The following DIP2C variants were observed in gnomAD, a reference collection of about 807,000 sequenced individuals.
The protein encoded by DIP2C is DIP2 acetate--CoA ligase C (putative), also known as disco-interacting protein 2 homolog C.
In DIP2C, 33 loss-of-function variants were observed where a neutral mutation model predicts 192.4. The observed-to-expected ratio is 0.17, with a 90% CI of 0.13 to 0.23. The LOEUF (loss-of-function observed/expected upper bound fraction) is 0.23, where lower values mean the gene tolerates loss of function less well. Ranked by LOEUF, DIP2C falls within the 10% of genes least tolerant of loss-of-function variation. DIP2C has a pLI of 1.00. For missense variants in DIP2C, 1,537 were observed against 2,110.1 expected (o/e 0.73, Z 5.32); for synonymous variants, 979 against 864.1 (o/e 1.13, Z -2.33).
chr10:461,951 A>G (rs1278557994), intron 3 of DIP2C, among the ~76,000 whole-genome samples: 2 of 152,216 alleles, frequency 1.3e-5, no homozygotes, highest in African/African-American at 4.8e-5. Context: ...AATGAAATTA[A>G]GGCAGAAATA....
At chr10:333,971 T>C (rs1215812103) in intron 29 of DIP2C, among the ~76,000 whole-genome samples, 10 of 152,220 alleles carry the variant, frequency 6.6e-5, no homozygotes, top group African/African-American at 2.4e-4. Flanking sequence ...TATTCAGATC[T>C]CTTGCCCGTG....
intron 1 of DIP2C, chr10:649,999 C>A: frequency 1.6e-6 from 1 of 644,160 alleles, no homozygotes; most frequent in Non-Finnish European, 2.8e-6. Flanking sequence ...GTCCAAAGTT[C>A]ACATCAACAA....
At chr10:522,666 T>C (rs1279403079) in intron 1 of DIP2C, among the ~76,000 whole-genome samples, 1 of 152,284 alleles carries the variant, frequency 6.6e-6, no homozygotes, top group Non-Finnish European at 1.5e-5. Context: ...TTGCCATCTG[T>C]GTCTCTTCTT....
At chr10:577,254 G>A (rs781568718) in intron 1 of DIP2C, among the ~76,000 whole-genome samples, 1 of 152,208 alleles carries the variant, frequency 6.6e-6, no homozygotes, top group Non-Finnish European at 1.5e-5. Context: ...TAAGTCACTG[G>A]ATTTAGAGAA....
At chr10:606,848 C>T (rs568455412) in intron 1 of DIP2C, among the ~76,000 whole-genome samples, 6 of 152,258 alleles carry the variant, frequency 3.9e-5, no homozygotes, top group African/African-American at 1.4e-4. Flanking sequence ...GCGTCAGTGA[C>T]GGACGCCACA....
At chr10:470,028 T>C (rs1331807273) in intron 3 of DIP2C, among the ~76,000 whole-genome samples, 1 of 151,728 alleles carries the variant, frequency 6.6e-6, no homozygotes, top group Non-Finnish European at 1.5e-5. Flanking sequence ...AATGGCTGAG[T>C]AGTGGGGTAA....
chr10:372,220 C>A (rs1211949450), intron 17 of DIP2C, among the ~76,000 whole-genome samples: 2 of 152,012 alleles, frequency 1.3e-5, no homozygotes, highest in East Asian at 1.9e-4. Context: ...GGACTACAGG[C>A]GCCGCCACCA....
At chr10:522,733 CTTA>C (rs1220984750) in intron 1 of DIP2C, among the ~76,000 whole-genome samples, 1 of 152,222 alleles carries the variant, frequency 6.6e-6, no homozygotes, top group African/African-American at 2.4e-5. Flanking sequence ...GGTTCATTTT[CTTA>C]TTATTGGGTT....
intron 1 of DIP2C, among the ~76,000 whole-genome samples, chr10:519,033 C>T (rs1846532919): frequency 6.6e-6 from 1 of 152,228 alleles, no homozygotes; most frequent in Non-Finnish European, 1.5e-5. Context: ...CCAGCACACC[C>T]ATTTCCCCTT....
chr10:366,866 C>T (rs184413640), intron 18 of DIP2C, among the ~76,000 whole-genome samples: 13 of 152,298 alleles, frequency 8.5e-5, no homozygotes, highest in African/African-American at 2.6e-4. Context: ...ACCACTGGAG[C>T]GCTTTGCACA....
In DIP2C at chr10:329,619, G is replaced by A. The variant is rs762101372; in HGVS notation, c.3585-18C>T. 37 of 1,611,836 alleles carry A rather than the reference G, an allele frequency of 2.3e-5. No individual in the cohort carries two copies. The highest frequency in any genetic ancestry group is 2.5e-6 in the Non-Finnish European group (3 of 1,178,934). On this transcript the variant is annotated intron_variant, in intron 29 of 36. Coordinates refer to ENST00000280886, the MANE Select transcript of DIP2C (RefSeq NM_014974.3). ...AATACACACTGCAGAGAAAGAAGAG[G>A]CTGTCAGGGCGGGAGCTCAGCAAGG...
rs193231521 is a variant in DIP2C at position 532,668 on chromosome 10, T to A, written c.86-46138A>T. Among the ~76,000 whole-genome samples, 314 of 84,378 alleles carry A rather than the reference T, an allele frequency of 3.7e-3. 17 individuals are homozygous for A. Among genetic ancestry groups the A allele is most frequent in the African/African-American group, 0.02 (251 of 12,842 alleles). The allele number at this position is 84,378 out of a possible 152,430, so 55.4% of individuals were successfully genotyped here. On this transcript the variant is annotated intron_variant, in intron 1 of 36. Transcript: ENST00000280886. ...ATGGGTGTGAGAGAGAGTATGGGTGTGAGAGAGAGTATGGGTGTGAGAGAG... is the reference window on the plus strand; with the variant it reads ...ATGGGTGTGAGAGAGAGTATGGGTGAGAGAGAGAGTATGGGTGTGAGAGAG...
intron 1 of DIP2C, among the ~76,000 whole-genome samples, chr10:511,767 GAC>G (rs1846028372): frequency 1.3e-5 from 2 of 152,176 alleles, no homozygotes; most frequent in Non-Finnish European, 2.9e-5. Flanking sequence ...GAGAGACACA[GAC>G]ACACCCACAA....
intron 3 of DIP2C, among the ~76,000 whole-genome samples, chr10:449,796 A>AG (rs1968690438): frequency 1.4e-5 from 2 of 140,210 alleles, no homozygotes; most frequent in African/African-American, 6.6e-5. Context: ...AAAAAAAAAA[A>AG]AAGAAGTAAA....
chr10:511,623 G>C (rs968651801), intron 1 of DIP2C, among the ~76,000 whole-genome samples: 2 of 87,248 alleles, frequency 2.3e-5, no homozygotes, highest in Admixed American at 1.4e-4. Flanking sequence ...GGTGGATCCC[G>C]ACACTGACCC....
intron 1 of DIP2C, among the ~76,000 whole-genome samples, chr10:584,873 A>G (rs1197906843): frequency 7.7e-4 from 66 of 86,188 alleles, no homozygotes; most frequent in Non-Finnish European, 1.1e-3. Context: ...CCACAACCTG[A>G]CCCCCACTCA....
intron 32 of DIP2C, among the ~76,000 whole-genome samples, chr10:301,645 GAC>G (rs1421005103): frequency 6.6e-6 from 1 of 152,196 alleles, no homozygotes; most frequent in Non-Finnish European, 1.5e-5. Flanking sequence ...AAAAAGGAGA[GAC>G]AAAAATATGG....
intron 1 of DIP2C, among the ~76,000 whole-genome samples, chr10:549,405 C>CCA (rs1464340458): frequency 7.2e-5 from 11 of 152,168 alleles, no homozygotes; most frequent in Non-Finnish European, 2.9e-5. Flanking sequence ...TACAACGCGT[C>CCA]CACACACGGA....
intron 1 of DIP2C, among the ~76,000 whole-genome samples, chr10:569,595 ATTCT>A (rs1440154876): frequency 2.0e-5 from 3 of 150,128 alleles, no homozygotes; most frequent in African/African-American, 7.5e-5. Context: ...TTTGTTTTAT[ATTCT>A]TTTTTAAAAA....
Sources: gnomAD v4.1 joint callset for allele counts (sites outside exome capture counted in the v4.1 genomes callset) on GRCh38, gnomAD v4.1.1 for gene constraint, MANE v1.5 for transcripts, NCBI Gene and HGNC (gene_info 2026-07-23, HGNC 2026-07-21) for gene names.